The following ANXA4 variants were observed in gnomAD, a reference collection of about 807,000 sequenced individuals.
The protein encoded by ANXA4 is annexin A4, also known as 35-beta calcimedin.
A neutral mutation model predicts 49.8 loss-of-function variants in ANXA4; 39 were observed. That is an observed-to-expected ratio of 0.78 (90% CI 0.61 to 1.02). The LOEUF (loss-of-function observed/expected upper bound fraction) is 1.02. ANXA4 is among the 50% of genes least tolerant of loss of function. The pLI is 0.00. For synonymous variants in ANXA4, 134 were observed against 152.5 expected (o/e 0.88, Z 0.89); for missense variants, 360 against 410.1 (o/e 0.88, Z 1.05).
intron 2 of ANXA4, among the ~76,000 whole-genome samples, chr2:69,680,952 A>C (rs1677578213): frequency 6.6e-6 from 1 of 151,908 alleles, no homozygotes; most frequent in Admixed American, 6.6e-5. Flanking sequence ...GGGGATAATG[A>C]CCTTAGTTTT....
rs374572977 is a variant in ANXA4 at position 69,787,195 on chromosome 2, G to A, written c.10-859G>A. Among the ~76,000 whole-genome samples the A allele has an allele frequency of 3.0e-4, 45 of 152,254 alleles. 2 individuals are homozygous for A. Among genetic ancestry groups the A allele is most frequent in the East Asian group, 1.9e-3 (10 of 5,184 alleles). ...TACCTAAAAATGTTAAAACCAAGTC[G>A]TTAGTGTCATCAAATGTCAAGTCAA... On this transcript the variant is annotated intron_variant, in intron 2 of 12. Coordinates refer to ENST00000394295, the MANE Select transcript of ANXA4 (RefSeq NM_001153.5).
chr2:69,727,501 A>T (rs1167992236), intron 3 of ANXA4, among the ~76,000 whole-genome samples: 1 of 151,870 alleles, frequency 6.6e-6, no homozygotes, highest in Non-Finnish European at 1.5e-5. Context: ...AAGACTAATC[A>T]AGTTGAGCAT....
chr2:69,722,532 A>G (rs1401428861), intron 3 of ANXA4, among the ~76,000 whole-genome samples: 1 of 152,154 alleles, frequency 6.6e-6, no homozygotes, highest in Non-Finnish European at 1.5e-5. Context: ...GACAAATATT[A>G]TATGATTCTA....
intron 2 of ANXA4, among the ~76,000 whole-genome samples, chr2:69,714,778 G>T (rs556667664): frequency 6.6e-6 from 1 of 152,204 alleles, no homozygotes; most frequent in Non-Finnish European, 1.5e-5. Context: ...CGTTGGGCAG[G>T]TCTAGGTTCA....
intron 7 of ANXA4, 61 bp downstream of exon 7, chr2:69,810,734 C>T: frequency 1.5e-6 from 2 of 1,378,268 alleles, no homozygotes; most frequent in South Asian, 2.3e-5. Context: ...ATCCCCTTTG[C>T]CAGCCTTTCT....
At chr2:69,662,599 C>T (rs1309618433) in intron 2 of ANXA4, among the ~76,000 whole-genome samples, 1 of 152,178 alleles carries the variant, frequency 6.6e-6, no homozygotes, top group Non-Finnish European at 1.5e-5. Flanking sequence ...GCTCCTAGAA[C>T]TCTGGCAGCC....
At chr2:69,675,133 A>G (rs1470191484) in intron 2 of ANXA4, among the ~76,000 whole-genome samples, 1 of 152,136 alleles carries the variant, frequency 6.6e-6, no homozygotes, top group Non-Finnish European at 1.5e-5. Flanking sequence ...TGTGTTAGCC[A>G]GGATGGTCTC....
chr2:69,671,077 A>C (rs1677166015), intron 2 of ANXA4, among the ~76,000 whole-genome samples: 1 of 151,804 alleles, frequency 6.6e-6, no homozygotes. Context: ...TAATCAATTC[A>C]GAATGGACCT....
chr2:69,672,418 G>C (rs960982564), intron 2 of ANXA4, among the ~76,000 whole-genome samples: 21 of 152,034 alleles, frequency 1.4e-4, no homozygotes, highest in Admixed American at 9.8e-4. Flanking sequence ...TTTTAGTAGA[G>C]ATGGGGTTTT....
At chr2:69,684,978 T>C (rs1351999205) in intron 2 of ANXA4, among the ~76,000 whole-genome samples, 5 of 152,136 alleles carry the variant, frequency 3.3e-5, no homozygotes, top group African/African-American at 1.2e-4. Context: ...ATGATGTCTT[T>C]GGGTCTTGAG....
chr2:69,818,438 C>T (rs759946516), intron 9 of ANXA4, 161 bp from the exon 10 acceptor site: 9 of 441,166 alleles, frequency 2.0e-5, no homozygotes, highest in Admixed American at 4.3e-5. Context: ...TTCCACTCTG[C>T]ACATCCCTCC....
rs1573330091 is a variant in ANXA4, at chr2:69,826,009, A to T, written c.*494A>T. 2 of 152,392 alleles carry T rather than the reference A, an allele frequency of 1.3e-5. No individual in the cohort carries two copies. The highest frequency in any genetic ancestry group is 1.3e-4 in the Admixed American group (2 of 15,284). The allele number at this position is 152,392 out of a possible 1,614,324, so 9.4% of individuals were successfully genotyped here. ...CATAGTCAAAGCCTTGAAAGCATCT[A>T]CAAATCTCTTTTTTTAGGTTTTGTC... On this transcript the variant is annotated 3_prime_UTR_variant, in exon 13 of 13. Transcript: ENST00000394295.
At chr2:69,755,617 AT>A (rs1246632237) in intron 1 of ANXA4, among the ~76,000 whole-genome samples, 1 of 152,168 alleles carries the variant, frequency 6.6e-6, no homozygotes, top group African/African-American at 2.4e-5. Flanking sequence ...CCTCAAAAAA[AT>A]TTTTTTAATG....
At chr2:69,733,217 G>A (rs1050779775) in intron 3 of ANXA4, among the ~76,000 whole-genome samples, 1 of 152,244 alleles carries the variant, frequency 6.6e-6, no homozygotes, top group Admixed American at 6.5e-5. Context: ...AAGATTTACT[G>A]GAAAATAAAA....
Position 69,820,694 on chromosome 2 carries a change from C to T in ANXA4, c.784-5C>T, listed in dbSNP as rs199974304. Reference sequence around the variant, plus strand: ...TATATGTTTGGATTTCGTTTTCTTCCTTAGGGCTTGGGCACCGATGATAAC... The same window carrying T: ...TATATGTTTGGATTTCGTTTTCTTCTTTAGGGCTTGGGCACCGATGATAAC... On this transcript the variant is annotated splice_polypyrimidine_tract_variant and splice_region_variant and intron_variant, in intron 11 of 12. Coordinates refer to ENST00000394295, the MANE Select transcript of ANXA4 (RefSeq NM_001153.5). 14 of 1,613,374 alleles carry T rather than the reference C, an allele frequency of 8.7e-6. No homozygotes were observed. The highest frequency in any genetic ancestry group is 1.2e-5 in the Non-Finnish European group (14 of 1,179,816).
intron 2 of ANXA4, among the ~76,000 whole-genome samples, chr2:69,715,312 C>T (rs1286654833): frequency 2.6e-5 from 4 of 152,132 alleles, no homozygotes; most frequent in South Asian, 2.1e-4. Flanking sequence ...TGGGTTCAAG[C>T]GATTCTCACC....
At chr2:69,781,682 G>A in intron 2 of ANXA4, 108 bp downstream of exon 2, 9 of 1,284,586 alleles carry the variant, frequency 7.0e-6, no homozygotes, top group Non-Finnish European at 9.0e-6. Context: ...TCAACAGAGG[G>A]GAAGGAGGAG....
Position 69,784,208 on chromosome 2 carries a change from T to C in ANXA4, c.9+2634T>C, listed in dbSNP as rs75272015. Among the ~76,000 whole-genome samples, 721 of 152,348 alleles carry C rather than the reference T, an allele frequency of 4.7e-3. 2 individuals carry two copies. The highest frequency in any genetic ancestry group is 0.016 in the African/African-American group (679 of 41,580). On this transcript the variant is annotated intron_variant, in intron 2 of 12. Coordinates refer to ENST00000394295, the MANE Select transcript of ANXA4 (RefSeq NM_001153.5). Reference sequence around the variant, plus strand: ...CTATTATACTCTGAAATTCAATCAATATGGATATTTATCATGCTAACAGGG... The same window carrying C: ...CTATTATACTCTGAAATTCAATCAACATGGATATTTATCATGCTAACAGGG...
At chr2:69,709,983 T>C (rs1407198811) in intron 2 of ANXA4, among the ~76,000 whole-genome samples, 11 of 116,656 alleles carry the variant, frequency 9.4e-5, no homozygotes, top group African/African-American at 5.9e-4. Flanking sequence ...CTTCCAGGCT[T>C]TTTTTTTTTT....
Sources: gnomAD v4.1 joint callset for allele counts (sites outside exome capture counted in the v4.1 genomes callset) on GRCh38, gnomAD v4.1.1 for gene constraint, MANE v1.5 for transcripts, NCBI Gene and HGNC (gene_info 2026-07-23, HGNC 2026-07-21) for gene names.